AR: variants seen among roughly 807,000 people sequenced by gnomAD.
AR encodes dihydrotestosterone receptor.
A neutral mutation model predicts 53.9 loss-of-function variants in AR; 8 were observed. That is an observed-to-expected ratio of 0.15 (90% confidence interval 0.09 to 0.27). The LOEUF (loss-of-function observed/expected upper bound fraction) is 0.27, where lower values mean the gene tolerates loss of function less well. Among genes scored for constraint, AR ranks in the 10% least tolerant of loss-of-function variants. The pLI is 1.00. For synonymous variants in AR, 359 were observed against 316.4 expected (o/e 1.13, Z -1.43); for missense variants, 639 against 742.5 (o/e 0.86, Z 1.62).
chrX:67,671,376 G>T (rs898958848), intron 2 of AR, among the ~76,000 whole-genome samples: 1 of 112,176 alleles, frequency 8.9e-6, no homozygotes, highest in Non-Finnish European at 1.9e-5. Flanking sequence ...TTTCATGTTT[G>T]TTGGCAGCAT....
At chrX:67,687,711 A>C (rs1602256616) in intron 3 of AR, among the ~76,000 whole-genome samples, 1 of 112,332 alleles carries the variant, frequency 8.9e-6, no homozygotes, top group Non-Finnish European at 1.9e-5. Context: ...TCAATTATTT[A>C]GCCTTCTGTG....
chrX:67,550,339 G>A (rs1479801805), intron 1 of AR, among the ~76,000 whole-genome samples: 2 of 111,385 alleles, frequency 1.8e-5, no homozygotes, highest in South Asian at 3.7e-4. Flanking sequence ...TTGCTGGTAC[G>A]TTTAATTTTC....
chrX:67,614,898 T>TA (rs1036630881), intron 1 of AR, among the ~76,000 whole-genome samples: 1 of 109,569 alleles, frequency 9.1e-6, no homozygotes, highest in East Asian at 2.9e-4. Context: ...ATAGAAGTTA[T>TA]AAAAAAAGAA....
At position 67,544,783 on chromosome X, in the gene AR, GATA is replaced by G; in HGVS notation, c.-359_-357del. On this transcript the variant is annotated 5_prime_UTR_variant, in exon 1 of 8. Coordinates refer to ENST00000374690, the MANE Select transcript of AR (RefSeq NM_000044.6). ...CAAAAAAGCCGAAATAAAAGAAAAA[GATA>G]ATAACTCAGTTCTTATTTGCACCTA... 5.1e-6 allele frequency: 1 copy of G among 196,556 alleles called. No individual in the cohort carries two copies. 16.2% of individuals were successfully genotyped at this position (196,556 alleles called of 1,213,427 possible). A position where few individuals can be genotyped will look rare whatever the true frequency, so the allele number is the denominator to read the frequency against.
At chrX:67,710,371 G>A (rs1602271633) in intron 3 of AR, among the ~76,000 whole-genome samples, 1 of 111,103 alleles carries the variant, frequency 9.0e-6, no homozygotes, top group Non-Finnish European at 1.9e-5. Context: ...CCAGGCTAGA[G>A]CATCAGTGGC....
chrX:67,727,984 G>A lies in AR; in HGVS notation c.*4143G>A, dbSNP rs952631780. On this transcript the variant is annotated 3_prime_UTR_variant, in exon 8 of 8. Coordinates refer to ENST00000374690, the MANE Select transcript of AR (RefSeq NM_000044.6). ...ATCTGTTCTCACCATTAATCTTTTT[G>A]AAAATCTTTTAAAGCAGTTTTTAAA... 5 of 172,873 alleles carry A rather than the reference G, an allele frequency of 2.9e-5. No individual in the cohort carries two copies. The highest frequency in any genetic ancestry group is 5.5e-5 in the Non-Finnish European group (5 of 90,780). 14.2% of individuals were successfully genotyped at this position (172,873 alleles called of 1,213,427 possible). A position where few individuals can be genotyped will look rare whatever the true frequency, so the allele number is the denominator to read the frequency against.
intron 3 of AR, among the ~76,000 whole-genome samples, chrX:67,700,901 G>A (rs1282846152): frequency 8.9e-6 from 1 of 111,950 alleles, no homozygotes; most frequent in African/African-American, 3.2e-5. Flanking sequence ...CAATTGCTCT[G>A]TGTGTCCCTC....
At chrX:67,710,383 C>T (rs1019831900) in intron 3 of AR, among the ~76,000 whole-genome samples, 2 of 111,321 alleles carry the variant, frequency 1.8e-5, no homozygotes, top group African/African-American at 6.5e-5. Flanking sequence ...ATCAGTGGCA[C>T]AATCATAGCC....
intron 2 of AR, among the ~76,000 whole-genome samples, chrX:67,657,699 C>T (rs1299873392): frequency 1.8e-5 from 2 of 111,852 alleles, no homozygotes; most frequent in Non-Finnish European, 3.8e-5. Flanking sequence ...TTTAAGCCCA[C>T]CACCCTAACA....
At chrX:67,676,939 C>T (rs769175553) in intron 2 of AR, among the ~76,000 whole-genome samples, 1 of 111,105 alleles carries the variant, frequency 9.0e-6, no homozygotes, top group South Asian at 3.8e-4. Context: ...GTTATAAGGT[C>T]TTTTTCTTTG....
At chrX:67,580,236 C>G (rs766091435) in intron 1 of AR, among the ~76,000 whole-genome samples, 3 of 110,188 alleles carry the variant, frequency 2.7e-5, no homozygotes, top group Non-Finnish European at 3.8e-5. Context: ...CTGACCAAAC[C>G]CTAACGAAAA....
chrX:67,583,853 A>G (rs1369166288), intron 1 of AR, among the ~76,000 whole-genome samples: 1 of 111,874 alleles, frequency 8.9e-6, no homozygotes, highest in Non-Finnish European at 1.9e-5. Context: ...CATGTGATCT[A>G]TACATTTTGA....
intron 3 of AR, among the ~76,000 whole-genome samples, chrX:67,696,854 A>C (rs1276849706): frequency 1.8e-5 from 2 of 111,556 alleles, no homozygotes; most frequent in Non-Finnish European, 3.8e-5. Context: ...AACCCGATGA[A>C]ATATAAAGAG....
intron 3 of AR, among the ~76,000 whole-genome samples, chrX:67,702,703 A>C (rs1046264658): frequency 1.8e-5 from 2 of 112,232 alleles, no homozygotes; most frequent in Admixed American, 1.9e-4. Flanking sequence ...GTTGGTCCAA[A>C]CATGTAATCC....
chrX:67,592,701 C>G (rs1310616490), intron 1 of AR, among the ~76,000 whole-genome samples: 2 of 104,999 alleles, frequency 1.9e-5, no homozygotes, highest in African/African-American at 7.0e-5. Context: ...GAAGATGAAT[C>G]TATTTAAGTT....
chrX:67,690,030 A>T (rs943930228), intron 3 of AR, among the ~76,000 whole-genome samples: 2 of 111,434 alleles, frequency 1.8e-5, no homozygotes, highest in African/African-American at 6.5e-5. Context: ...TTGAGTTCTC[A>T]GCATTTAGTA....
intron 4 of AR, among the ~76,000 whole-genome samples, chrX:67,714,925 G>T (rs2076107018): frequency 9.0e-6 from 1 of 111,688 alleles, no homozygotes; most frequent in East Asian, 2.8e-4. Context: ...ACAGTTACTG[G>T]GTTTGAGTGC....
In AR at chrX:67,699,203, G is replaced by A. The variant is rs113359074; in HGVS notation, c.1886-12199G>A. On this transcript the variant is annotated intron_variant, in intron 3 of 7. Transcript: ENST00000374690. The stretch of plus-strand genomic sequence containing the variant: ...CACTGTTTTGTAAGTCAGAAGTCTG[G>A]CACAGCATGGCTAGATTCTCAGTTC... Among the ~76,000 whole-genome samples, 380 of 112,421 alleles carry A rather than the reference G, an allele frequency of 3.4e-3. 1 individual carries two copies. Among genetic ancestry groups the A allele is most frequent in the African/African-American group, 0.012 (359 of 31,003 alleles).
chrX:67,685,592 C>T (rs961090540), intron 2 of AR, among the ~76,000 whole-genome samples: 1 of 111,660 alleles, frequency 9.0e-6, no homozygotes, highest in Non-Finnish European at 1.9e-5. Context: ...TAATTCTATG[C>T]ATGATTACAG....
Sources: allele counts gnomAD v4.1 joint callset (sites outside exome capture counted in the v4.1 genomes callset), GRCh38; gene constraint gnomAD v4.1.1; transcripts MANE v1.5; gene names NCBI Gene and HGNC (gene_info 2026-07-23, HGNC 2026-07-21).